The following TMEM131L variants were observed in gnomAD, a reference collection of about 807,000 sequenced individuals.
TMEM131L encodes transmembrane 131 like.
Under a neutral mutation model 192.2 loss-of-function variants are expected in TMEM131L, and 54 were observed. That is an observed-to-expected ratio of 0.28 (90% CI 0.23 to 0.35). The LOEUF (loss-of-function observed/expected upper bound fraction) is 0.35. Among genes scored for constraint, TMEM131L ranks in the 10% least tolerant of loss-of-function variants. TMEM131L has a pLI of 1.00. For synonymous variants in TMEM131L, 701 were observed against 704.9 expected, an observed-to-expected ratio of 0.99 and a Z score of 0.09; for missense variants, 1,888 against 1,972.9, an observed-to-expected ratio of 0.96 and a Z score of 0.82.
rs184152895 is a variant in TMEM131L, at chr4:153,632,590, G to T, written c.4208-128G>T. 29 of 958,244 alleles carry T rather than the reference G, an allele frequency of 3.0e-5. 1 individual carries two copies. In the East Asian group the frequency reaches 3.1e-4, roughly 10 times the overall value. The allele number at this position is 958,244 out of a possible 1,614,324, so 59.4% of individuals were successfully genotyped here. On this transcript the variant is annotated intron_variant, in intron 31 of 34. Coordinates refer to ENST00000409959, the MANE Select transcript of TMEM131L (RefSeq NM_001131007.2). ...GAATTATATCCTGAAATTATATTCC[G>T]AAAGGAGTTAGTCAGCATGTGTGGG...
rs1039182832 is a variant in TMEM131L, at chr4:153,635,624, C to G, written c.4557+53C>G. The G allele has an allele frequency of 4.4e-6, 7 of 1,591,766 alleles. No homozygotes were observed. The African/African-American group carries it at 6.7e-5, about 15-fold the overall frequency. ...ACCCCTGGGCAGCTCTGAATTGTTTCCACTGCTTCCTTAATCCTGGTCTCA... is the reference window on the plus strand; with the variant it reads ...ACCCCTGGGCAGCTCTGAATTGTTTGCACTGCTTCCTTAATCCTGGTCTCA... On this transcript the variant is annotated intron_variant, in intron 34 of 34. Transcript: ENST00000409959.
chr4:153,624,029 T>G (rs1038781022), intron 29 of TMEM131L, among the ~76,000 whole-genome samples: 1 of 152,118 alleles, frequency 6.6e-6, no homozygotes, highest in South Asian at 2.1e-4. Flanking sequence ...AACAAAATAT[T>G]GACTGTTAGT....
intron 3 of TMEM131L, among the ~76,000 whole-genome samples, chr4:153,497,043 G>C (rs537997502): frequency 1.3e-5 from 2 of 151,488 alleles, no homozygotes; most frequent in Admixed American, 1.3e-4. Context: ...GTGTTTTTTT[G>C]TAGAAATGGG....
chr4:153,585,677 G>T, intron 13 of TMEM131L, 66 bp downstream of exon 13: 1 of 1,064,504 alleles, frequency 9.4e-7, no homozygotes, highest in Non-Finnish European at 1.3e-6. Context: ...CAGATGCTGT[G>T]AAATTATTTC....
chr4:153,502,942 A>G (rs992566202), intron 3 of TMEM131L, among the ~76,000 whole-genome samples: 2 of 150,964 alleles, frequency 1.3e-5, no homozygotes, highest in East Asian at 2.0e-4. Flanking sequence ...TAGAAAGCCA[A>G]TTACTGCAAA....
intron 5 of TMEM131L, among the ~76,000 whole-genome samples, chr4:153,556,270 T>A (rs1288837436): frequency 1.3e-5 from 2 of 152,056 alleles, no homozygotes; most frequent in Non-Finnish European, 2.9e-5. Flanking sequence ...CTAATACAAG[T>A]TTATGGTTGA....
In TMEM131L at chr4:153,558,331, T is replaced by A; in HGVS notation, c.623T>A (p.Leu208His). ...AKQLPNAYFL[L>H]PKVQSIQLSQ... ...CAGCTACCAAATGCTTATTTTCTGC[T>A]TCCAAAGGTCCAGAGCATTCAGCTG... Residue 208 changes from leucine to histidine, a missense_variant, in exon 7 of 35, where the codon CTT (leucine) becomes CAT (histidine). Leu to His is a moderately conservative substitution (Grantham distance 99). Coordinates refer to ENST00000409959, the MANE Select transcript of TMEM131L (RefSeq NM_001131007.2). 6.2e-7 allele frequency: 1 copy of A among 1,609,778 alleles called. No homozygotes were observed. The highest frequency in any genetic ancestry group is 8.5e-7 in the Non-Finnish European group (1 of 1,176,678).
At chr4:153,612,664 A>T (rs1280625914) in intron 26 of TMEM131L, among the ~76,000 whole-genome samples, 3 of 152,200 alleles carry the variant, frequency 2.0e-5, no homozygotes, top group African/African-American at 7.2e-5. Flanking sequence ...ATGATGGCAG[A>T]GTAGAACTTG....
intron 7 of TMEM131L, among the ~76,000 whole-genome samples, chr4:153,563,711 C>T (rs1200325135): frequency 6.6e-6 from 1 of 151,986 alleles, no homozygotes; most frequent in Admixed American, 6.6e-5. Context: ...CATTGATCCA[C>T]CCACCTCGGC....
Position 153,466,446 on chromosome 4 carries a change from G to A in TMEM131L, c.49G>A (p.Ala17Thr). Residue 17 changes from alanine (A) to threonine (T), a missense_variant, in exon 1 of 35, where the codon GCG becomes ACG. Ala to Thr is a moderately conservative substitution (Grantham distance 58, BLOSUM62 0). Coordinates refer to ENST00000409959, the MANE Select transcript of TMEM131L (RefSeq NM_001131007.2). ...PQPGCYCRTA[A>T]AVNLLLGVFQ... ...GCCCGGCTGCTACTGCCGCACCGCG[G>A]CGGCCGTGAACCTCCTGCTGGGCGT... 2 of 1,415,744 alleles carry A rather than the reference G, an allele frequency of 1.4e-6. No individual in the cohort carries two copies. Among genetic ancestry groups the A allele is most frequent in the Non-Finnish European group, 1.9e-6 (2 of 1,077,702 alleles). The allele number at this position is 1,415,744 out of a possible 1,614,324, so 87.7% of individuals were successfully genotyped here. A position where few individuals can be genotyped will look rare whatever the true frequency, so the allele number is the denominator to read the frequency against.
intron 29 of TMEM131L, among the ~76,000 whole-genome samples, chr4:153,623,900 CTT>C (rs55968757): frequency 2.1e-5 from 3 of 145,122 alleles, no homozygotes; most frequent in Admixed American, 6.9e-5. Flanking sequence ...GCCATATTTG[CTT>C]TTTTTTTTTT....
chr4:153,612,505 T>A, intron 26 of TMEM131L, 105 bp downstream of exon 26: 1 of 839,248 alleles, frequency 1.2e-6, no homozygotes, highest in Non-Finnish European at 1.8e-6. Context: ...GAATCCATAT[T>A]AATAACTGGT....
chr4:153,559,913 C>G (rs1328049516), intron 7 of TMEM131L, among the ~76,000 whole-genome samples: 2 of 152,032 alleles, frequency 1.3e-5, no homozygotes, highest in Non-Finnish European at 2.9e-5. Flanking sequence ...TGTTCTTGGT[C>G]TCTAGTTCAT....
At chr4:153,628,565 C>T (rs770919888) in intron 31 of TMEM131L, among the ~76,000 whole-genome samples, 1 of 152,122 alleles carries the variant, frequency 6.6e-6, no homozygotes, top group African/African-American at 2.4e-5. Context: ...TTATGTCGTT[C>T]CTTGGATGAA....
chr4:153,511,518 G>A (rs1431526274), intron 3 of TMEM131L, among the ~76,000 whole-genome samples: 1 of 152,138 alleles, frequency 6.6e-6, no homozygotes, highest in Non-Finnish European at 1.5e-5. Flanking sequence ...AAAAATAACT[G>A]AGTACTAAGC....
chr4:153,517,401 C>T (rs577899496), intron 3 of TMEM131L, among the ~76,000 whole-genome samples: 24 of 152,250 alleles, frequency 1.6e-4, no homozygotes, highest in African/African-American at 4.8e-4. Context: ...AGGCCCTGGG[C>T]GGGTTCCTAG....
At position 153,555,697 on chromosome 4, in the gene TMEM131L, T is replaced by C; in HGVS notation, c.309-90T>C. The C allele has an allele frequency of 9.1e-7, 1 of 1,093,614 alleles. No homozygotes were observed. The highest frequency in any genetic ancestry group is 2.9e-5 in the East Asian group (1 of 34,534). 67.7% of individuals were successfully genotyped at this position (1,093,614 alleles called of 1,614,324 possible). ...CAACAGCTTTCTGGGTTTAAAAATC[T>C]GTGTGTATATATATAATAATACATA... On this transcript the variant is annotated intron_variant, in intron 4 of 34. Coordinates refer to ENST00000409959, the MANE Select transcript of TMEM131L (RefSeq NM_001131007.2). This position sits in a 1 kb window ranked among gnomAD's most constrained non-coding sequence, Gnocchi z 4.1.
chr4:153,558,196 C>A, intron 6 of TMEM131L, 62 bp from the exon 7 acceptor site: 1 of 833,746 alleles, frequency 1.2e-6, no homozygotes, highest in Non-Finnish European at 2.0e-6. Flanking sequence ...CGTGCTTTAG[C>A]ATTATGGCAA....
chr4:153,587,600 CA>C, intron 14 of TMEM131L, 141 bp from the exon 15 acceptor site: 1 of 677,964 alleles, frequency 1.5e-6, no homozygotes, highest in Non-Finnish European at 2.7e-6. Flanking sequence ...AATTCCTTAA[CA>C]ATTAGAAAGT....
Sources: gnomAD v4.1 joint callset for allele counts (sites outside exome capture counted in the v4.1 genomes callset) on GRCh38, gnomAD v4.1.1 for gene constraint, Gnocchi (gnomAD v3.1) non-coding constraint, MANE v1.5 for transcripts, NCBI Gene and HGNC (gene_info 2026-07-23, HGNC 2026-07-21) for gene names.